The following VMP1 variants were observed in gnomAD, a reference collection of about 807,000 sequenced individuals.
VMP1 encodes vacuole membrane protein 1.
VMP1 carries 11 observed loss-of-function variants against 56.0 expected under a neutral mutation model. The ratio of observed to expected loss-of-function variants is 0.20; its 90% CI spans 0.12 to 0.32. The LOEUF is 0.32. VMP1 is among the 10% of genes least tolerant of loss of function. VMP1 has a pLI of 1.00. For synonymous variants in VMP1, 149 were observed against 165.0 expected (o/e 0.90, Z 0.74); for missense variants, 296 against 490.3 (o/e 0.60, Z 3.74).
At chr17:59,811,648 G>C in intron 8 of VMP1, 22 bp from the exon 9 acceptor site, 1 of 1,519,124 alleles carries the variant, frequency 6.6e-7, no homozygotes, top group South Asian at 1.1e-5. Flanking sequence ...TAATATGGAA[G>C]TCCTTCTTTT....
chr17:59,833,546 T>G (rs1223326197), intron 10 of VMP1, among the ~76,000 whole-genome samples: 1 of 152,170 alleles, frequency 6.6e-6, no homozygotes, highest in Non-Finnish European at 1.5e-5. Flanking sequence ...ACCTCTTGTC[T>G]GTTTTCAACT....
chr17:59,770,477 A>G (rs2036384124), intron 6 of VMP1, among the ~76,000 whole-genome samples: 1 of 152,190 alleles, frequency 6.6e-6, no homozygotes, highest in Non-Finnish European at 1.5e-5. Flanking sequence ...ATCTGTAAAT[A>G]TATCAGCCTT....
intron 7 of VMP1, among the ~76,000 whole-genome samples, chr17:59,805,732 T>C (rs1225446870): frequency 6.6e-6 from 1 of 151,852 alleles, no homozygotes; most frequent in Non-Finnish European, 1.5e-5. Flanking sequence ...TACTTGTTGA[T>C]CTTGTCTATA....
chr17:59,747,915 A>G (rs1416219940), intron 5 of VMP1, among the ~76,000 whole-genome samples: 1 of 150,680 alleles, frequency 6.6e-6, no homozygotes, highest in Admixed American at 6.6e-5. Flanking sequence ...AAGCCTTTCC[A>G]GCCAGGCGCG....
intron 8 of VMP1, among the ~76,000 whole-genome samples, chr17:59,810,750 A>G (rs1256887662): frequency 2.0e-5 from 3 of 152,230 alleles, no homozygotes; most frequent in Admixed American, 6.5e-5. Context: ...CATATGTGAC[A>G]AGTATTTTTT....
chr17:59,789,835 CTTTTTTTTT>C (rs754631557), intron 7 of VMP1, among the ~76,000 whole-genome samples: 1 of 85,964 alleles, frequency 1.2e-5, no homozygotes, highest in African/African-American at 4.8e-5. Context: ...CTTTCTTTCC[CTTTTTTTTT>C]TTTTTTTTTT....
rs751671394 is a variant in VMP1 at position 59,811,622 on chromosome 17, A to T, written c.796-48A>T. 8 of 1,404,824 alleles carry T rather than the reference A, an allele frequency of 5.7e-6. No individual in the cohort carries two copies. The Admixed American group carries it at 1.4e-4, about 25-fold the overall frequency. The allele number at this position is 1,404,824 out of a possible 1,614,324, so 87.0% of individuals were successfully genotyped here. A position where few individuals can be genotyped will look rare whatever the true frequency, so the allele number is the denominator to read the frequency against. ...ACATATCAATGGGTGATAAAATTAA[A>T]TTGTTCTTTGGATTATAATATGGAA... On this transcript the variant is annotated intron_variant, in intron 8 of 11. Coordinates refer to ENST00000262291, the MANE Select transcript of VMP1 (RefSeq NM_030938.5).
intron 10 of VMP1, among the ~76,000 whole-genome samples, chr17:59,826,403 G>A (rs1274777651): frequency 6.6e-6 from 1 of 152,188 alleles, no homozygotes; most frequent in Admixed American, 6.5e-5. Flanking sequence ...ACATGGAATT[G>A]TGGGCTAGAG....
chr17:59,719,762 G>A (rs745519062), intron 1 of VMP1, among the ~76,000 whole-genome samples: 4 of 152,168 alleles, frequency 2.6e-5, no homozygotes, highest in Non-Finnish European at 5.9e-5. Flanking sequence ...TATAGTCTTA[G>A]CACTGGATAT....
intron 7 of VMP1, among the ~76,000 whole-genome samples, chr17:59,792,195 T>G (rs1476192272): frequency 6.6e-6 from 1 of 152,150 alleles, no homozygotes; most frequent in African/African-American, 2.4e-5. Flanking sequence ...GAGGATTGCT[T>G]GAGCCCGAGA....
intron 1 of VMP1, among the ~76,000 whole-genome samples, chr17:59,711,648 A>G (rs942126926): frequency 1.3e-5 from 2 of 152,184 alleles, no homozygotes; most frequent in African/African-American, 4.8e-5. Context: ...TATAAAGCTT[A>G]TTTTAAAATA....
intron 2 of VMP1, among the ~76,000 whole-genome samples, chr17:59,731,954 A>G (rs995555935): frequency 6.6e-6 from 1 of 152,202 alleles, no homozygotes; most frequent in Non-Finnish European, 1.5e-5. Context: ...TTTTAACCAA[A>G]TTGGAATTTG....
intron 1 of VMP1, among the ~76,000 whole-genome samples, chr17:59,724,396 C>G (rs1200923181): frequency 1.3e-5 from 2 of 151,890 alleles, no homozygotes; most frequent in Non-Finnish European, 2.9e-5. Flanking sequence ...ATCTTAATAA[C>G]TGGGCTAGGC....
chr17:59,719,467 A>G (rs1206173982), intron 1 of VMP1, among the ~76,000 whole-genome samples: 1 of 152,184 alleles, frequency 6.6e-6, no homozygotes, highest in Admixed American at 6.5e-5. Flanking sequence ...TTGAGAAAGT[A>G]AAATTCATCT....
chr17:59,772,146 A>G (rs2036449652), intron 6 of VMP1, among the ~76,000 whole-genome samples: 2 of 151,740 alleles, frequency 1.3e-5, no homozygotes, highest in African/African-American at 4.8e-5. Flanking sequence ...ACGCACCACC[A>G]TGCCCAGCTA....
At chr17:59,753,149 G>T (rs1325753910) in intron 5 of VMP1, among the ~76,000 whole-genome samples, 1 of 152,010 alleles carries the variant, frequency 6.6e-6, no homozygotes, top group Non-Finnish European at 1.5e-5. Flanking sequence ...GTAGTGGCAT[G>T]CTCCTGTAGT....
intron 7 of VMP1, among the ~76,000 whole-genome samples, chr17:59,785,689 CAA>C (rs375607560): frequency 1.9e-4 from 11 of 59,186 alleles, no homozygotes; most frequent in Admixed American, 1.9e-4. Context: ...GATTCCATCT[CAA>C]AAAAAAAAAA....
chr17:59,782,664 T>A (rs745985790), intron 7 of VMP1, among the ~76,000 whole-genome samples: 1 of 152,190 alleles, frequency 6.6e-6, no homozygotes, highest in Admixed American at 6.5e-5. Flanking sequence ...AAAAGTTGAA[T>A]CAACTGTAGC....
At chr17:59,796,828 G>A (rs1428650762) in intron 7 of VMP1, among the ~76,000 whole-genome samples, 2 of 152,020 alleles carry the variant, frequency 1.3e-5, no homozygotes, top group Non-Finnish European at 2.9e-5. Context: ...TTGGCAAAAT[G>A]GAAGCAATAT....
Sources: gnomAD v4.1 joint callset for allele counts (sites outside exome capture counted in the v4.1 genomes callset) on GRCh38, gnomAD v4.1.1 for gene constraint, MANE v1.5 for transcripts, NCBI Gene and HGNC (gene_info 2026-07-23, HGNC 2026-07-21) for gene names.